Variants in SPTAN1 observed in about 807,000 individuals in gnomAD.
SPTAN1 encodes spectrin alpha, non-erythrocytic 1.
SPTAN1 carries 61 observed loss-of-function variants against 331.3 expected under a neutral mutation model. The ratio of observed to expected loss-of-function variants is 0.18; its 90% CI spans 0.15 to 0.23. The LOEUF is 0.23. SPTAN1 is among the 10% of genes least tolerant of loss of function. The probability of loss-of-function intolerance (pLI) is 1.00; values close to 1 mark genes in which losing one functional copy is unlikely to be tolerated. For missense variants in SPTAN1, 2,043 were observed against 3,147.9 expected, an observed-to-expected ratio of 0.65 and a Z score of 8.40; for synonymous variants, 1,153 against 1,173.9, an observed-to-expected ratio of 0.98 and a Z score of 0.36.
intron 23 of SPTAN1, chr9:128,593,909 A>G (rs1853869060): frequency 2.1e-6 from 1 of 471,102 alleles, no homozygotes; most frequent in Non-Finnish European, 4.0e-6. Context: ...TGTTGTTCTA[A>G]GTGCAGAATC....
intron 27 of SPTAN1, among the ~76,000 whole-genome samples, chr9:128,602,313 T>G (rs567249249): frequency 6.7e-6 from 1 of 150,246 alleles, no homozygotes; most frequent in East Asian, 2.0e-4. Flanking sequence ...GCCTCCTGGG[T>G]TCAAGCAATT....
At chr9:128,588,731 C>T in intron 20 of SPTAN1, 78 bp from the exon 21 acceptor site, 2 of 1,587,962 alleles carry the variant, frequency 1.3e-6, no homozygotes, top group Non-Finnish European at 8.6e-7. Flanking sequence ...CAGCTGGTGG[C>T]ATTTGAATCT....
At chr9:128,596,755 A>G (rs115744308) in intron 24 of SPTAN1, 3,363 of 152,424 alleles carry the variant, frequency 0.022, 109 homozygotes, top group African/African-American at 0.077. Flanking sequence ...GCAGTGGATG[A>G]TCATAGCTCA....
At chr9:128,584,131 A>T in intron 16 of SPTAN1, 151 bp from the exon 17 acceptor site, 2 of 1,438,944 alleles carry the variant, frequency 1.4e-6, no homozygotes, top group South Asian at 2.4e-5. Context: ...ATTAAATATC[A>T]TCCCTTAGAG....
At position 128,605,117 on chromosome 9, in the gene SPTAN1, T is replaced by C. The variant is rs146153626; in HGVS notation, c.3803T>C (p.Val1268Ala). 8.7e-5 allele frequency: 140 copies of C among 1,613,720 alleles called. No individual in the cohort carries two copies. The highest frequency in any genetic ancestry group is 3.3e-5 in the Admixed American group (2 of 59,954). The change falls in exon 30 of 57, where the codon GTC becomes GCC. Residue 1268 changes from valine to alanine, a missense_variant. This residue lies in a region of SPTAN1 where 42 missense variants were observed against 106.0 expected (regional missense o/e 0.40). Transcript: ENST00000372739. ...AATTATGGACATGATCTCGCCAGTGTCCAGGCCCTGCAACGCAAGCATGAG... is the reference window on the plus strand; with the variant it reads ...AATTATGGACATGATCTCGCCAGTGCCCAGGCCCTGCAACGCAAGCATGAG... ...TDNYGHDLASVQALQRKHEGF... is the reference protein window; with the variant it reads ...TDNYGHDLASAQALQRKHEGF...
chr9:128,605,133 C>G lies in SPTAN1; in HGVS notation c.3819C>G (p.Arg1273=), dbSNP rs1361752002. The G allele has an allele frequency of 6.2e-7, 1 of 1,613,632 alleles. No individual in the cohort carries two copies. Among genetic ancestry groups the G allele is most frequent in the African/African-American group, 1.3e-5 (1 of 74,750 alleles). The change falls in exon 30 of 57, where the codon CGC becomes CGG. Residue 1273 remains arginine (R), a synonymous_variant. Transcript: ENST00000372739. ...TCGCCAGTGTCCAGGCCCTGCAACG[C>G]AAGCATGAGGGCTTCGAGAGGGACC... The part of the protein sequence containing the change: ...HDLASVQALQ[R]KHEGFERDLA...
At chr9:128,626,077 G>GT in intron 48 of SPTAN1, 99 bp downstream of exon 48, 18 of 1,421,230 alleles carry the variant, frequency 1.3e-5, no homozygotes, top group Non-Finnish European at 1.7e-5. Flanking sequence ...TGAGGAAGCT[G>GT]TGAGCTCAGT....
chr9:128,578,340 A>T, intron 9 of SPTAN1, 95 bp downstream of exon 9: 1 of 1,523,492 alleles, frequency 6.6e-7, no homozygotes, highest in Non-Finnish European at 9.0e-7. Flanking sequence ...CGGCGTTGGT[A>T]CCATGTTATT....
chr9:128,614,389 C>T (rs1185783799), intron 40 of SPTAN1, among the ~76,000 whole-genome samples: 1 of 150,516 alleles, frequency 6.6e-6, no homozygotes, highest in East Asian at 2.0e-4. Context: ...CTCAGGAGTT[C>T]GAGACCAGCT....
chr9:128,615,521 C>G, intron 40 of SPTAN1, 111 bp from the exon 41 acceptor site: 4 of 1,101,702 alleles, frequency 3.6e-6, no homozygotes, highest in Non-Finnish European at 5.5e-6. Flanking sequence ...ACATAACAGA[C>G]TTTGAGAATA....
At chr9:128,564,770 T>C (rs1283997032) in intron 1 of SPTAN1, among the ~76,000 whole-genome samples, 1 of 152,128 alleles carries the variant, frequency 6.6e-6, no homozygotes, top group Non-Finnish European at 1.5e-5. Flanking sequence ...CCATTTCAGC[T>C]GGGTGTTGAG....
chr9:128,615,617 T>C lies in SPTAN1; in HGVS notation c.5149-15T>C, dbSNP rs370741251. On this transcript the variant is annotated splice_polypyrimidine_tract_variant and intron_variant, in intron 40 of 56. Coordinates refer to ENST00000372739, the MANE Select transcript of SPTAN1 (RefSeq NM_001130438.3). ...GGAGACCCAGTTTCTGACCCTCTTA[T>C]GTCCCCTGCCCCAGGATCGCCTGAA... The C allele has an allele frequency of 1.2e-6, 2 of 1,613,594 alleles. No homozygotes were observed. The highest frequency in any genetic ancestry group is 2.7e-5 in the African/African-American group (2 of 74,894).
intron 10 of SPTAN1, among the ~76,000 whole-genome samples, 164 bp from the exon 11 acceptor site, chr9:128,580,758 T>C (rs866038391): frequency 3.3e-5 from 5 of 152,332 alleles, no homozygotes; most frequent in Middle Eastern, 3.4e-3. Context: ...CCTTTTATAT[T>C]GAACATGCAC....
At chr9:128,576,985 T>C in intron 6 of SPTAN1, 29 bp downstream of exon 6, 1 of 1,613,980 alleles carries the variant, frequency 6.2e-7, no homozygotes, top group Non-Finnish European at 8.5e-7. Context: ...CTTTGGGGAA[T>C]GGGTCTCAAC....
chr9:128,622,090 A>G lies in SPTAN1; in HGVS notation c.5832+834A>G, dbSNP rs116982822. 524 of 152,504 alleles carry G rather than the reference A, an allele frequency of 3.4e-3. 7 individuals carry two copies. Among genetic ancestry groups the G allele is most frequent in the Middle Eastern group, 0.027 (8 of 294 alleles). 9.4% of individuals were successfully genotyped at this position (152,504 alleles called of 1,614,324 possible). On this transcript the variant is annotated intron_variant, in intron 45 of 56. Coordinates refer to ENST00000372739, the MANE Select transcript of SPTAN1 (RefSeq NM_001130438.3). ...GGCAGCAACAATGTAGCTAAAATCC[A>G]CTTCACTGGAGAGCTTTTCTTCCTT... is the stretch of plus-strand genomic sequence containing the variant.
intron 44 of SPTAN1, among the ~76,000 whole-genome samples, chr9:128,619,584 T>C (rs1857593069): frequency 6.6e-6 from 1 of 152,230 alleles, no homozygotes; most frequent in African/African-American, 2.4e-5. Flanking sequence ...GGCATCACTC[T>C]GTGTGTCTAT....
chr9:128,604,367 G>C lies in SPTAN1; in HGVS notation c.3669G>C (p.Glu1223Asp), dbSNP rs747129367. Residue 1223 changes from glutamate to aspartate, a missense_variant, in exon 29 of 57, where the codon GAG becomes GAC. By Grantham distance (45) the Glu-to-Asp change is conservative. Around this residue, in one of 12 missense-constraint regions of SPTAN1, gnomAD observed 1,038 missense variants for 1,531.5 expected, o/e 0.68. Coordinates refer to ENST00000372739, the MANE Select transcript of SPTAN1 (RefSeq NM_001130438.3). Reference sequence around the variant, plus strand: ...GGCGGTCCCTACAGCAGCTGGCCGAGGAACGGAGCCAGCTCTTGGGCAGCG... The same window carrying C: ...GGCGGTCCCTACAGCAGCTGGCCGACGAACGGAGCCAGCTCTTGGGCAGCG... ...ERWRSLQQLA[E>D]ERSQLLGSAH... 3.7e-6 allele frequency: 6 copies of C among 1,614,058 alleles called. No homozygotes were observed. Among genetic ancestry groups the C allele is most frequent in the Non-Finnish European group, 5.1e-6 (6 of 1,179,988 alleles).
At chr9:128,633,122 G>T in intron 56 of SPTAN1, 87 bp from the exon 57 acceptor site, 2 of 1,605,408 alleles carry the variant, frequency 1.2e-6, no homozygotes, top group Non-Finnish European at 1.7e-6. Flanking sequence ...AAGCAGCTCC[G>T]AGCCCCCAGC....
At position 128,625,159 on chromosome 9, in the gene SPTAN1, C is replaced by T; in HGVS notation, c.6049C>T (p.Gln2017Ter). Reference protein sequence around the residue: ...DDYGRDLSSVQTLLTKQETFD... With the variant: ...DDYGRDLSSV Reference sequence around the variant, plus strand: ...TTATGGCCGAGACCTGTCTTCTGTGCAGACGCTCCTCACCAAACAGGTCTG... The same window carrying T: ...TTATGGCCGAGACCTGTCTTCTGTGTAGACGCTCCTCACCAAACAGGTCTG... The change falls in exon 47 of 57, where the codon CAG becomes TAG. Residue 2017 changes from glutamine to a stop codon, truncating the protein, a stop_gained. Coordinates refer to ENST00000372739, the MANE Select transcript of SPTAN1 (RefSeq NM_001130438.3). LOFTEE classifies it high-confidence loss of function. The surrounding 1 kb of genome is among the most constrained non-coding windows in gnomAD (Gnocchi z 4.1). 6.2e-7 allele frequency: 1 copy of T among 1,614,160 alleles called. No homozygotes were observed. Among genetic ancestry groups the T allele is most frequent in the Non-Finnish European group, 8.5e-7 (1 of 1,180,028 alleles).
Sources: allele counts gnomAD v4.1 joint callset (sites outside exome capture counted in the v4.1 genomes callset), GRCh38; gene constraint gnomAD v4.1.1; regional missense constraint gnomAD v4.1.1; non-coding constraint Gnocchi (gnomAD v3.1); transcripts MANE v1.5; gene names NCBI Gene and HGNC (gene_info 2026-07-23, HGNC 2026-07-21).